Variants in MACROD1 observed in about 807,000 individuals in gnomAD.
MACROD1 encodes the protein ADP-ribose glycohydrolase MACROD1.
MACROD1 carries 31 observed loss-of-function variants against 41.4 expected under a neutral mutation model. The observed-to-expected ratio is 0.75, with a 90% CI of 0.56 to 1.01. The LOEUF (loss-of-function observed/expected upper bound fraction) is 1.01, where lower values mean the gene tolerates loss of function less well. MACROD1 is among the 50% of genes least tolerant of loss of function. The pLI is 0.00. For missense variants in MACROD1, 473 were observed against 460.0 expected (o/e 1.03, Z -0.26); for synonymous variants, 252 against 203.4 (o/e 1.24, Z -2.03).
rs543037879 is a variant in MACROD1 at position 64,117,554 on chromosome 11, C to T, written c.517+33685G>A. 9.3e-6 allele frequency: 15 copies of T among 1,605,886 alleles called. No individual in the cohort carries two copies. In the Admixed American group the frequency reaches 2.0e-4, roughly 22 times the overall value. ...TCCCCGACTCCAACATTGACTACCC[C>T]ATGGCCACGGGTGATGGCGCCAAGA... On this transcript the variant is annotated intron_variant, in intron 3 of 10. Transcript: ENST00000255681.
intron 4 of MACROD1, among the ~76,000 whole-genome samples, chr11:64,010,013 G>A (rs1258858105): frequency 5.3e-5 from 8 of 151,508 alleles, no homozygotes; most frequent in Non-Finnish European, 7.4e-5. Flanking sequence ...TGGTTGGGGT[G>A]TTGGTTGGGG....
intron 3 of MACROD1, among the ~76,000 whole-genome samples, chr11:64,035,760 C>T (rs1943365400): frequency 6.8e-6 from 1 of 146,302 alleles, no homozygotes; most frequent in African/African-American, 2.5e-5. Context: ...CGCTCCGCGC[C>T]TGCACGCACG....
At chr11:64,035,039 G>T (rs867367520) in intron 3 of MACROD1, among the ~76,000 whole-genome samples, 1 of 152,190 alleles carries the variant, frequency 6.6e-6, no homozygotes, top group African/African-American at 2.4e-5. Context: ...TAGGTGCCAG[G>T]CACTGGGCCA....
At chr11:64,133,804 C>T (rs928828346) in intron 3 of MACROD1, among the ~76,000 whole-genome samples, 3 of 152,236 alleles carry the variant, frequency 2.0e-5, no homozygotes, top group African/African-American at 7.2e-5. Context: ...TTCCCCCTTG[C>T]AGCCCCAGCA....
intron 3 of MACROD1, among the ~76,000 whole-genome samples, chr11:64,015,738 C>A (rs1349095092): frequency 1.3e-5 from 2 of 152,202 alleles, no homozygotes; most frequent in African/African-American, 4.8e-5. Flanking sequence ...AGGAAGCAAA[C>A]TGCACCTTTG....
At chr11:64,037,696 G>A (rs1408516972) in intron 3 of MACROD1, among the ~76,000 whole-genome samples, 5 of 152,144 alleles carry the variant, frequency 3.3e-5, no homozygotes, top group Non-Finnish European at 7.3e-5. Context: ...CAGACACAGA[G>A]ACTGGATACT....
chr11:64,094,019 G>A (rs191515043), intron 3 of MACROD1, among the ~76,000 whole-genome samples: 42 of 152,330 alleles, frequency 2.8e-4, no homozygotes, highest in Non-Finnish European at 4.7e-4. Context: ...GGCCAGGGCC[G>A]GGCGCAGTGG....
At chr11:64,094,462 T>G (rs914261693) in intron 3 of MACROD1, among the ~76,000 whole-genome samples, 1 of 150,968 alleles carries the variant, frequency 6.6e-6, no homozygotes, top group African/African-American at 2.4e-5. Flanking sequence ...AAAACAAAGT[T>G]AAGCAGGCTG....
rs1294743765 is a variant in MACROD1 at position 63,998,822 on chromosome 11, G to T, written c.*30+16C>A. On this transcript the variant is annotated intron_variant, in intron 10 of 10. Transcript: ENST00000255681. The stretch of plus-strand genomic sequence containing the variant: ...TCTAGGGCCGGGGCCGCCGCACGGG[G>T]CGAGGCCCTGCTTACCAGTCCCGGT... The T allele has an allele frequency of 6.5e-7, 1 of 1,545,216 alleles. No individual in the cohort carries two copies. The highest frequency in any genetic ancestry group is 8.7e-7 in the Non-Finnish European group (1 of 1,150,316).
At position 64,006,156 on chromosome 11, in the gene MACROD1, G is replaced by A. The variant is rs901941607; in HGVS notation, c.548-5813C>T. 2.6e-5 allele frequency among the ~76,000 whole-genome samples: 4 copies of A among 152,228 alleles called. No individual in the cohort carries two copies. In the East Asian group the frequency reaches 7.7e-4, roughly 29 times the overall value. On this transcript the variant is annotated intron_variant, in intron 4 of 10. Coordinates refer to ENST00000255681, the MANE Select transcript of MACROD1 (RefSeq NM_014067.4). ...GCCCCAGGCTTCTAACCCTGCAGAG[G>A]GAAGGTTTAGCCACAAAGACCGGAT...
chr11:64,121,231 G>A (rs1452231756), intron 3 of MACROD1, among the ~76,000 whole-genome samples: 2 of 152,200 alleles, frequency 1.3e-5, no homozygotes, highest in Non-Finnish European at 2.9e-5. Flanking sequence ...CCCCAGAGGA[G>A]CTCCTTGGGC....
intron 3 of MACROD1, chr11:64,119,127 T>G (rs663083): frequency 1.2e-5 from 2 of 167,230 alleles, no homozygotes; most frequent in African/African-American, 4.8e-5. Context: ...CCGTTCTTCT[T>G]GGGTCAGTTC....
At chr11:64,071,381 T>G (rs1565219196) in intron 3 of MACROD1, among the ~76,000 whole-genome samples, 1 of 152,170 alleles carries the variant, frequency 6.6e-6, no homozygotes, top group Non-Finnish European at 1.5e-5. Flanking sequence ...CTAGCAATGT[T>G]TGTTGAATGA....
At chr11:64,047,580 C>T (rs1337139378) in intron 3 of MACROD1, among the ~76,000 whole-genome samples, 1 of 152,074 alleles carries the variant, frequency 6.6e-6, no homozygotes, top group African/African-American at 2.4e-5. Flanking sequence ...CTCCATTTTA[C>T]AGATGAGGAA....
Position 64,067,047 on chromosome 11 carries a change from C to T in MACROD1, c.518-51766G>A, listed in dbSNP as rs1565217223. Among the ~76,000 whole-genome samples the T allele has an allele frequency of 6.6e-6, 1 of 152,192 alleles. No homozygotes were observed. Among genetic ancestry groups the T allele is most frequent in the Non-Finnish European group, 1.5e-5 (1 of 68,040 alleles). ...AGATTGGATGAGGGGCTCAGGGACC[C>T]CCCATGCCCAATGTCCTGGCTCATT... On this transcript the variant is annotated intron_variant, in intron 3 of 10. Transcript: ENST00000255681. The surrounding 1 kb of genome is among the most constrained non-coding windows in gnomAD (Gnocchi z 4.6).
intron 3 of MACROD1, among the ~76,000 whole-genome samples, chr11:64,085,633 C>T (rs983443445): frequency 6.6e-6 from 1 of 152,240 alleles, no homozygotes; most frequent in Non-Finnish European, 1.5e-5. Context: ...CTCTGCCCCA[C>T]ATGGCTGTGG....
At position 63,998,838 on chromosome 11, in the gene MACROD1, C is replaced by T. The variant is rs1277440533; in HGVS notation, c.*30G>A. Reference sequence around the variant, plus strand: ...CCGCACGGGGCGAGGCCCTGCTTACCAGTCCCGGTCAGGGTGGGCTGCGGG... The same window carrying T: ...CCGCACGGGGCGAGGCCCTGCTTACTAGTCCCGGTCAGGGTGGGCTGCGGG... On this transcript the variant is annotated splice_region_variant and 3_prime_UTR_variant, in exon 10 of 11. Transcript: ENST00000255681. 1.8e-5 allele frequency: 29 copies of T among 1,575,330 alleles called. No individual in the cohort carries two copies. The highest frequency in any genetic ancestry group is 2.3e-5 in the Non-Finnish European group (27 of 1,164,022).
intron 3 of MACROD1, among the ~76,000 whole-genome samples, chr11:64,068,316 T>A (rs1467912305): frequency 2.0e-5 from 3 of 152,190 alleles, no homozygotes; most frequent in Admixed American, 6.5e-5. Flanking sequence ...CCTGTCCCAC[T>A]CTTCCGCCTT....
rs145748414 is a variant in MACROD1, at chr11:64,067,003, C to T, written c.518-51722G>A. On this transcript the variant is annotated intron_variant, in intron 3 of 10. Coordinates refer to ENST00000255681, the MANE Select transcript of MACROD1 (RefSeq NM_014067.4). The surrounding 1 kb of genome is among the most constrained non-coding windows in gnomAD (Gnocchi z 4.6). ...CTGGCATCCCAAGCCTCTGCCCTCACGCTAGGCAGTCCCTGGGGAGATTGG... is the reference window on the plus strand; with the variant it reads ...CTGGCATCCCAAGCCTCTGCCCTCATGCTAGGCAGTCCCTGGGGAGATTGG... Among the ~76,000 whole-genome samples, 16 of 152,322 alleles carry T rather than the reference C, an allele frequency of 1.1e-4. No homozygotes were observed. Among genetic ancestry groups the T allele is most frequent in the Non-Finnish European group, 1.9e-4 (13 of 68,028 alleles).
Sources: allele counts gnomAD v4.1 joint callset (sites outside exome capture counted in the v4.1 genomes callset), GRCh38; gene constraint gnomAD v4.1.1; non-coding constraint Gnocchi (gnomAD v3.1); transcripts MANE v1.5; gene names NCBI Gene and HGNC (gene_info 2026-07-23, HGNC 2026-07-21).